TBCEL: variants seen among roughly 807,000 people sequenced by gnomAD.
TBCEL encodes the protein tubulin folding cofactor E like, also known as tubulin-specific chaperone cofactor E-like protein.
TBCEL carries 15 observed loss-of-function variants against 44.2 expected under a neutral mutation model. The ratio of observed to expected loss-of-function variants is 0.34; its 90% CI spans 0.23 to 0.52. TBCEL has a LOEUF of 0.52. Ranked by LOEUF, TBCEL falls within the 20% of genes least tolerant of loss-of-function variation. TBCEL has a pLI of 0.95. For synonymous variants in TBCEL, 171 were observed against 185.4 expected (o/e 0.92, Z 0.63); for missense variants, 319 against 506.3 (o/e 0.63, Z 3.55).
intron 2 of TBCEL, among the ~76,000 whole-genome samples, chr11:121,041,718 T>TC (rs142645034): frequency 5.3e-5 from 8 of 152,194 alleles, no homozygotes; most frequent in African/African-American, 1.7e-4. Flanking sequence ...CAGCCTTTTT[T>TC]CCCACCTACT....
chr11:121,026,643 T>A (rs535161770), intron 1 of TBCEL, among the ~76,000 whole-genome samples: 2 of 152,362 alleles, frequency 1.3e-5, no homozygotes, highest in African/African-American at 4.8e-5. Context: ...ACTTTGTGTG[T>A]TATAAATCTT....
intron 8 of TBCEL, among the ~76,000 whole-genome samples, chr11:121,084,375 T>TC (rs1174677461): frequency 2.6e-5 from 4 of 152,222 alleles, no homozygotes; most frequent in Admixed American, 2.6e-4. Context: ...GTTTTTATAT[T>TC]CAAGTACTTA....
At chr11:121,082,617 A>T (rs1946146094) in intron 8 of TBCEL, among the ~76,000 whole-genome samples, 1 of 152,194 alleles carries the variant, frequency 6.6e-6, no homozygotes, top group Non-Finnish European at 1.5e-5. Context: ...CCCTGTGGCT[A>T]TCATAAAGAC....
chr11:121,074,733 C>A (rs1946002541), intron 8 of TBCEL, among the ~76,000 whole-genome samples: 1 of 151,976 alleles, frequency 6.6e-6, no homozygotes, highest in East Asian at 1.9e-4. Context: ...CTCAACCCTT[C>A]TTCCTGACTC....
chr11:121,035,000 C>G (rs1565491523), intron 1 of TBCEL, among the ~76,000 whole-genome samples: 2 of 152,134 alleles, frequency 1.3e-5, no homozygotes, highest in Non-Finnish European at 2.9e-5. Context: ...TGTGCCAAAT[C>G]ATTAATTGGC....
chr11:121,050,336 T>C (rs1945507687), intron 4 of TBCEL, among the ~76,000 whole-genome samples: 1 of 151,738 alleles, frequency 6.6e-6, no homozygotes, highest in Admixed American at 6.6e-5. Flanking sequence ...GTGGAACCAG[T>C]TGTATAATTT....
rs551013925 is a variant in TBCEL at position 121,081,369 on chromosome 11, A to T, written c.957-5409A>T. On this transcript the variant is annotated intron_variant, in intron 8 of 8. Coordinates refer to ENST00000683345, the MANE Select transcript of TBCEL (RefSeq NM_001363644.2). The stretch of plus-strand genomic sequence containing the variant: ...TTTTAGCATTTGATGATTGTAATAC[A>T]TCCTTATCGGTAATATTTTCCAAAG... Among the ~76,000 whole-genome samples, 5 of 152,350 alleles carry T rather than the reference A, an allele frequency of 3.3e-5. No individual in the cohort carries two copies. In the South Asian group the frequency reaches 1.0e-3, roughly 32 times the overall value.
chr11:121,026,347 A>C (rs1945046361), intron 1 of TBCEL, among the ~76,000 whole-genome samples: 2 of 152,338 alleles, frequency 1.3e-5, no homozygotes, highest in South Asian at 4.1e-4. Flanking sequence ...AGAGTCCTTC[A>C]TGTAATGTTA....
intron 2 of TBCEL, among the ~76,000 whole-genome samples, chr11:121,039,215 C>T (rs1292907098): frequency 2.0e-5 from 3 of 152,220 alleles, no homozygotes; most frequent in African/African-American, 7.2e-5. Flanking sequence ...TGTTTCTAGT[C>T]TCTTGTGTTT....
chr11:121,044,768 A>T (rs1056631997), intron 2 of TBCEL, among the ~76,000 whole-genome samples: 2 of 152,126 alleles, frequency 1.3e-5, no homozygotes, highest in Non-Finnish European at 2.9e-5. Flanking sequence ...TGCTGGAATC[A>T]TTCAGTGTTT....
At position 121,085,758 on chromosome 11, in the gene TBCEL, G is replaced by A. The variant is rs187321784; in HGVS notation, c.957-1020G>A. 7.9e-5 allele frequency among the ~76,000 whole-genome samples: 12 copies of A among 151,962 alleles called. No individual in the cohort carries two copies. The East Asian group carries it at 2.3e-3, about 29-fold the overall frequency. ...TGGGCTCAAGTGATTCTTCCCCTTG[G>A]GCTTCCCAAGGTGCTAGGATTCTAG... On this transcript the variant is annotated intron_variant, in intron 8 of 8. Transcript: ENST00000683345.
At chr11:121,049,729 T>A (rs1002701874) in intron 4 of TBCEL, among the ~76,000 whole-genome samples, 1 of 151,944 alleles carries the variant, frequency 6.6e-6, no homozygotes, top group South Asian at 2.1e-4. Flanking sequence ...GCCTGGACCA[T>A]GTATATAAGC....
Position 121,077,514 on chromosome 11 carries a change from T to G in TBCEL, c.957-9264T>G, listed in dbSNP as rs970292695. 1.5e-4 allele frequency among the ~76,000 whole-genome samples: 23 copies of G among 152,246 alleles called. No homozygotes were observed. The South Asian group carries it at 1.7e-3, about 11-fold the overall frequency. ...ATAGTGCCAATATTGGCATCATCTT[T>G]TCTTAATCAGTCCAGCTAGAGGTTT... On this transcript the variant is annotated intron_variant, in intron 8 of 8. Coordinates refer to ENST00000683345, the MANE Select transcript of TBCEL (RefSeq NM_001363644.2).
At chr11:121,045,235 G>A (rs562769468) in intron 2 of TBCEL, among the ~76,000 whole-genome samples, 5 of 152,200 alleles carry the variant, frequency 3.3e-5, no homozygotes, top group African/African-American at 1.2e-4. Flanking sequence ...TCCAGTTAAA[G>A]GTTCTTTTAC....
At chr11:121,068,442 T>C (rs1018363315) in intron 8 of TBCEL, among the ~76,000 whole-genome samples, 4 of 152,076 alleles carry the variant, frequency 2.6e-5, no homozygotes, top group African/African-American at 9.7e-5. Context: ...GACTACTGCT[T>C]CCTATCATTT....
At chr11:121,070,075 T>C (rs1373812508) in intron 8 of TBCEL, among the ~76,000 whole-genome samples, 8 of 152,108 alleles carry the variant, frequency 5.3e-5, no homozygotes, top group Non-Finnish European at 7.4e-5. Context: ...AAGAAGACAT[T>C]TATGCAGCCA....
intron 8 of TBCEL, among the ~76,000 whole-genome samples, chr11:121,084,433 G>T (rs1200837496): frequency 6.6e-6 from 1 of 151,906 alleles, no homozygotes. Flanking sequence ...TTTTTCTTCA[G>T]TTGTGTTTTC....
At chr11:121,053,803 T>A in intron 5 of TBCEL, 71 bp downstream of exon 5, 1 of 1,467,054 alleles carries the variant, frequency 6.8e-7, no homozygotes. Context: ...GTACTGCTGA[T>A]CTCCCACGCA....
chr11:121,039,650 A>G (rs1019557983), intron 2 of TBCEL, among the ~76,000 whole-genome samples: 3 of 152,228 alleles, frequency 2.0e-5, no homozygotes, highest in African/African-American at 4.8e-5. Flanking sequence ...AGAGAAAACA[A>G]TGTATTTGTT....
Sources: gnomAD v4.1 joint callset for allele counts (sites outside exome capture counted in the v4.1 genomes callset) on GRCh38, gnomAD v4.1.1 for gene constraint, MANE v1.5 for transcripts, NCBI Gene and HGNC (gene_info 2026-07-23, HGNC 2026-07-21) for gene names.